HAUS3: variants seen among roughly 807,000 people sequenced by gnomAD.
HAUS3 encodes HAUS augmin-like complex subunit 3.
In HAUS3, 36 loss-of-function variants were observed where a neutral mutation model predicts 55.2. The observed-to-expected ratio is 0.65, with a 90% CI of 0.50 to 0.86. The LOEUF (loss-of-function observed/expected upper bound fraction) is 0.86, where lower values mean the gene tolerates loss of function less well. Ranked by LOEUF, HAUS3 falls within the 40% of genes least tolerant of loss-of-function variation. The pLI, the probability that HAUS3 is intolerant of heterozygous loss-of-function variation, is 0.00. For missense variants in HAUS3, 752 were observed against 671.5 expected (o/e 1.12, Z -1.33); for synonymous variants, 234 against 238.6 (o/e 0.98, Z 0.18).
Position 2,240,508 on chromosome 4 carries a change from T to G in HAUS3, c.439A>C (p.Lys147Gln), listed in dbSNP as rs976538714. Reference sequence around the variant, plus strand: ...AGAATTCCTTGACTCTGCTTCAGCTTTTTAGTGGCTTCTTCTTCTTTAGCA... The same window carrying G: ...AGAATTCCTTGACTCTGCTTCAGCTGTTTAGTGGCTTCTTCTTCTTTAGCA... ...LNAKEEEATK[K>Q]LKQSQGILNA... The change falls in exon 3 of 6, where the codon AAG becomes CAG. Residue 147 changes from lysine to glutamine, a missense_variant. By Grantham distance (53) the Lys-to-Gln change is moderately conservative. Transcript: ENST00000443786. 6.2e-7 allele frequency: 1 copy of G among 1,613,908 alleles called. No individual in the cohort carries two copies. Among genetic ancestry groups the G allele is most frequent in the Non-Finnish European group, 8.5e-7 (1 of 1,179,972 alleles).
rs923737065 is a variant in HAUS3, at chr4:2,228,988, G to A, written c.*2939C>T. ...TCTGCACTGAATGAGTGTAAAAGGG[G>A]CGGGAGCTGGGCTTCATCTGTCTAC... On this transcript the variant is annotated 3_prime_UTR_variant, in exon 6 of 6. Transcript: ENST00000443786. The A allele has an allele frequency of 4.7e-6, 5 of 1,070,954 alleles. No individual in the cohort carries two copies. In the African/African-American group the frequency reaches 8.2e-5, roughly 17 times the overall value. 66.3% of individuals were successfully genotyped at this position (1,070,954 alleles called of 1,614,324 possible).
At position 2,242,082 on chromosome 4, in the gene HAUS3, C is replaced by G. The variant is rs182178490; in HGVS notation, c.-450G>C. On this transcript the variant is annotated 5_prime_UTR_variant, in exon 1 of 6. Coordinates refer to ENST00000443786, the MANE Select transcript of HAUS3 (RefSeq NM_001303143.2). ...AAGTTCCGCTTGCTTCTCGCAGGAG[C>G]CCGCCGCCACCGCCCTCCGTGCCCC... The G allele has an allele frequency of 3.9e-5, 38 of 985,720 alleles. No homozygotes were observed. In the Admixed American group the frequency reaches 1.0e-3, roughly 27 times the overall value. 61.1% of individuals were successfully genotyped at this position (985,720 alleles called of 1,614,324 possible).
chr4:2,232,683 C>T (rs1734625605), intron 5 of HAUS3, among the ~76,000 whole-genome samples: 1 of 152,136 alleles, frequency 6.6e-6, no homozygotes, highest in East Asian at 1.9e-4. Flanking sequence ...ACATGACATT[C>T]CACGAAAACC....
Position 2,240,242 on chromosome 4 carries a change from T to C in HAUS3, c.705A>G (p.Glu235=), listed in dbSNP as rs772770287. ...GTATATCTAAAAGTTGAAAATTGTC[T>C]TCATTTGAACTTTCAACTACTTCAT... ...GIHEVVESSN[E]DNFQLLDIQT... Residue 235 remains glutamate (E), a synonymous_variant, in exon 3 of 6, where the codon GAA becomes GAG. Coordinates refer to ENST00000443786, the MANE Select transcript of HAUS3 (RefSeq NM_001303143.2). The C allele has an allele frequency of 1.2e-6, 2 of 1,613,626 alleles. No homozygotes were observed. The highest frequency in any genetic ancestry group is 3.3e-5 in the Admixed American group (2 of 59,932).
intron 4 of HAUS3, among the ~76,000 whole-genome samples, chr4:2,237,317 T>G (rs1400864246): frequency 6.6e-6 from 1 of 151,566 alleles, no homozygotes; most frequent in African/African-American, 2.4e-5. Flanking sequence ...GTGCCTGTAG[T>G]CCTAACTACT....
intron 5 of HAUS3, among the ~76,000 whole-genome samples, chr4:2,235,511 T>C (rs1433128925): frequency 6.6e-6 from 1 of 152,194 alleles, no homozygotes; most frequent in African/African-American, 2.4e-5. Flanking sequence ...ATAATTTCAT[T>C]GTGGAATATC....
intron 4 of HAUS3, among the ~76,000 whole-genome samples, chr4:2,237,039 T>A (rs1160115921): frequency 6.6e-6 from 1 of 152,026 alleles, no homozygotes; most frequent in African/African-American, 2.4e-5. Flanking sequence ...TTCCCCACCA[T>A]CCAAGTTTTA....
Position 2,240,282 on chromosome 4 carries a change from A to G in HAUS3, c.665T>C (p.Phe222Ser). 1.9e-6 allele frequency: 3 copies of G among 1,613,286 alleles called. No individual in the cohort carries two copies. Among genetic ancestry groups the G allele is most frequent in the African/African-American group, 1.3e-5 (1 of 75,014 alleles). The change falls in exon 3 of 6, where the codon TTC becomes TCC. Residue 222 changes from phenylalanine to serine, a missense_variant. Coordinates refer to ENST00000443786, the MANE Select transcript of HAUS3 (RefSeq NM_001303143.2). ...AACTACTTCATGTATACCCTGAAAG[A>G]ACTGTTTTTTGGTATACAAAGTTAA... is the stretch of plus-strand genomic sequence containing the variant. Reference protein sequence around the residue: ...AALTLYTKKQFFQGIHEVVES... With the variant: ...AALTLYTKKQSFQGIHEVVES...
At chr4:2,237,839 T>C (rs1250297650) in intron 4 of HAUS3, among the ~76,000 whole-genome samples, 1 of 152,204 alleles carries the variant, frequency 6.6e-6, no homozygotes, top group Non-Finnish European at 1.5e-5. Flanking sequence ...ATAGTTATTT[T>C]ATCAAGTTGT....
In HAUS3 at chr4:2,241,597, G is replaced by A. The variant is rs893466647; in HGVS notation, c.-225C>T. 14 of 985,566 alleles carry A rather than the reference G, an allele frequency of 1.4e-5. No homozygotes were observed. The highest frequency in any genetic ancestry group is 1.7e-5 in the Non-Finnish European group (14 of 830,128). 61.1% of individuals were successfully genotyped at this position (985,566 alleles called of 1,614,324 possible). Reference sequence around the variant, plus strand: ...GGAGAACAGCAGGAGCAGCAGGGAAGCGCGCGGCCACAATTAAGGGTGCTT... The same window carrying A: ...GGAGAACAGCAGGAGCAGCAGGGAAACGCGCGGCCACAATTAAGGGTGCTT... On this transcript the variant is annotated 5_prime_UTR_variant, in exon 2 of 6. Coordinates refer to ENST00000443786, the MANE Select transcript of HAUS3 (RefSeq NM_001303143.2).
At chr4:2,239,184 A>G (rs956330022) in intron 3 of HAUS3, 141 bp from the exon 4 acceptor site, 1 of 516,964 alleles carries the variant, frequency 1.9e-6, no homozygotes, top group African/African-American at 1.9e-5. Context: ...ATAAACAAAA[A>G]TTACAGTTTA....
rs1222785185 is a variant in HAUS3 at position 2,229,331 on chromosome 4, T to C, written c.*2596A>G. ...ATACAATTATTTTCAAAAATTTATA[T>C]ACCAACTTTCATTTAAAATGTCTAT... On this transcript the variant is annotated 3_prime_UTR_variant, in exon 6 of 6. Transcript: ENST00000443786. The C allele has an allele frequency of 1.5e-5, 16 of 1,041,372 alleles. No homozygotes were observed. Among genetic ancestry groups the C allele is most frequent in the East Asian group, 5.7e-5 (2 of 35,026 alleles). The allele number at this position is 1,041,372 out of a possible 1,614,324, so 64.5% of individuals were successfully genotyped here. A position where few individuals can be genotyped will look rare whatever the true frequency, so the allele number is the denominator to read the frequency against.
intron 4 of HAUS3, 24 bp downstream of exon 4, chr4:2,238,580 A>G: frequency 1.4e-6 from 2 of 1,415,404 alleles, no homozygotes; most frequent in Non-Finnish European, 1.9e-6. Context: ...AATATTTACT[A>G]AAGAAACAAT....
rs1025828296 is a variant in HAUS3 at position 2,240,738 on chromosome 4, G to C, written c.209C>G (p.Pro70Arg). The C allele has an allele frequency of 7.4e-6, 12 of 1,613,826 alleles. No individual in the cohort carries two copies. In the Admixed American group the frequency reaches 1.5e-4, roughly 20 times the overall value. Reference sequence around the variant, plus strand: ...ATCCAATGCCGCCCCTTCTAGAATAGGCTTGCCTGATTTCTGAAGAATGCT... The same window carrying C: ...ATCCAATGCCGCCCCTTCTAGAATACGCTTGCCTGATTTCTGAAGAATGCT... ...AFSILQKSGK[P>R]ILEGAALDEA... Residue 70 changes from proline to arginine, a missense_variant, in exon 3 of 6, where the codon CCT becomes CGT. By Grantham distance (103) the Pro-to-Arg change is moderately radical (BLOSUM62 -2). Coordinates refer to ENST00000443786, the MANE Select transcript of HAUS3 (RefSeq NM_001303143.2).
Position 2,231,986 on chromosome 4 carries a change from C to G in HAUS3, c.1753G>C (p.Asp585His). ...YFLKDEDYLK[D>H]IVENLETQSK... Reference sequence around the variant, plus strand: ...TGAGTTTCTAAATTCTCCACAATATCTTTCAGATAATCTTCATCTTTTAAA... The same window carrying G: ...TGAGTTTCTAAATTCTCCACAATATGTTTCAGATAATCTTCATCTTTTAAA... The change falls in exon 6 of 6, where the codon GAT (aspartate) becomes CAT (histidine). Residue 585 changes from aspartate to histidine, a missense_variant. Asp to His is a moderately conservative substitution (Grantham distance 81, BLOSUM62 -1). Coordinates refer to ENST00000443786, the MANE Select transcript of HAUS3 (RefSeq NM_001303143.2). 1 of 1,494,736 alleles carries G rather than the reference C, an allele frequency of 6.7e-7. No homozygotes were observed. Among genetic ancestry groups the G allele is most frequent in the East Asian group, 2.3e-5 (1 of 43,862 alleles). The allele number at this position is 1,494,736 out of a possible 1,614,324, so 92.6% of individuals were successfully genotyped here. A position where few individuals can be genotyped will look rare whatever the true frequency, so the allele number is the denominator to read the frequency against.
chr4:2,229,890 T>C lies in HAUS3; in HGVS notation c.*2037A>G, dbSNP rs1335653821. 5 of 152,100 alleles carry C rather than the reference T, an allele frequency of 3.3e-5. No homozygotes were observed. Among genetic ancestry groups the C allele is most frequent in the East Asian group, 1.9e-4 (1 of 5,196 alleles). The allele number at this position is 152,100 out of a possible 1,614,324, so 9.4% of individuals were successfully genotyped here. A position where few individuals can be genotyped will look rare whatever the true frequency, so the allele number is the denominator to read the frequency against. Reference sequence around the variant, plus strand: ...TAAACCTACCTAGTAACACAACGATTATAAGTAACTTGGGTAATTACGGCA... The same window carrying C: ...TAAACCTACCTAGTAACACAACGATCATAAGTAACTTGGGTAATTACGGCA... On this transcript the variant is annotated 3_prime_UTR_variant, in exon 6 of 6. Coordinates refer to ENST00000443786, the MANE Select transcript of HAUS3 (RefSeq NM_001303143.2).
At chr4:2,236,043 C>T (rs778690499) in intron 5 of HAUS3, among the ~76,000 whole-genome samples, 185 bp downstream of exon 5, 1 of 152,040 alleles carries the variant, frequency 6.6e-6, no homozygotes, top group Non-Finnish European at 1.5e-5. Flanking sequence ...TTTCTGTGCA[C>T]ACTCATCAAA....
Position 2,228,686 on chromosome 4 carries a change from A to G in HAUS3, c.*3241T>C, listed in dbSNP as rs939002697. The G allele has an allele frequency of 2.3e-5, 4 of 174,260 alleles. No individual in the cohort carries two copies. Among genetic ancestry groups the G allele is most frequent in the Non-Finnish European group, 4.9e-5 (4 of 81,780 alleles). 10.8% of individuals were successfully genotyped at this position (174,260 alleles called of 1,614,324 possible). On this transcript the variant is annotated 3_prime_UTR_variant, in exon 6 of 6. Transcript: ENST00000443786. ...TCATAAATCCATATACACTGATCCA[A>G]TAATCCTTGCCACCTAAGAGTTTAC...
rs1304611975 is a variant in HAUS3, at chr4:2,230,973, T to C, written c.*954A>G. On this transcript the variant is annotated 3_prime_UTR_variant, in exon 6 of 6. Coordinates refer to ENST00000443786, the MANE Select transcript of HAUS3 (RefSeq NM_001303143.2). ...CATACATCTTTTGAGCAACCACTTT[T>C]ACAGAATTTTGAAATTCAAATTTCA... The C allele has an allele frequency of 3.3e-5, 5 of 152,254 alleles. No homozygotes were observed. The highest frequency in any genetic ancestry group is 9.6e-5 in the African/African-American group (4 of 41,460). The allele number at this position is 152,254 out of a possible 1,614,324, so 9.4% of individuals were successfully genotyped here.
Sources: gnomAD v4.1 joint callset for allele counts (sites outside exome capture counted in the v4.1 genomes callset) on GRCh38, gnomAD v4.1.1 for gene constraint, MANE v1.5 for transcripts, NCBI Gene and HGNC (gene_info 2026-07-23, HGNC 2026-07-21) for gene names.